The following ME3 variants were observed in gnomAD, a reference collection of about 807,000 sequenced individuals.
ME3 encodes NADP-dependent malic enzyme, mitochondrial.
A neutral mutation model predicts 68.9 loss-of-function variants in ME3; 48 were observed. The ratio of observed to expected loss-of-function variants is 0.70; its 90% CI spans 0.55 to 0.89. The LOEUF (loss-of-function observed/expected upper bound fraction) is 0.89, where lower values mean the gene tolerates loss of function less well. ME3 is among the 40% of genes least tolerant of loss of function. The pLI is 0.00. For missense variants in ME3, 675 were observed against 797.4 expected (o/e 0.85, Z 1.85); for synonymous variants, 320 against 318.8 (o/e 1.00, Z -0.04).
At chr11:86,484,527 G>A (rs770757149) in intron 7 of ME3, among the ~76,000 whole-genome samples, 19 of 151,646 alleles carry the variant, frequency 1.3e-4, no homozygotes, top group Non-Finnish European at 2.5e-4. Context: ...CCCGCCCCCC[G>A]CTCCCGGACT....
intron 6 of ME3, among the ~76,000 whole-genome samples, chr11:86,490,436 A>G (rs1290126235): frequency 6.6e-6 from 1 of 152,170 alleles, no homozygotes; most frequent in East Asian, 1.9e-4. Flanking sequence ...ACCCTTCCAC[A>G]TGCTACCTTC....
chr11:86,541,293 G>C (rs1445235404), intron 4 of ME3, among the ~76,000 whole-genome samples: 1 of 152,016 alleles, frequency 6.6e-6, no homozygotes, highest in South Asian at 2.1e-4. Context: ...ACACCAGTGA[G>C]AGAACCGTTC....
intron 7 of ME3, among the ~76,000 whole-genome samples, chr11:86,480,845 G>A (rs1951363514): frequency 6.6e-6 from 1 of 152,164 alleles, no homozygotes; most frequent in South Asian, 2.1e-4. Context: ...GTATTGCAAG[G>A]TAGACCTCCA....
chr11:86,528,243 T>G (rs1954920682), intron 4 of ME3, among the ~76,000 whole-genome samples: 2 of 151,822 alleles, frequency 1.3e-5, no homozygotes, highest in Admixed American at 1.3e-4. Flanking sequence ...CCAACAAAAA[T>G]CAAAAGAGAC....
intron 2 of ME3, among the ~76,000 whole-genome samples, chr11:86,654,829 A>G (rs1252873939): frequency 1.3e-5 from 2 of 152,296 alleles, no homozygotes; most frequent in South Asian, 2.1e-4. Flanking sequence ...AGATGACATG[A>G]TTGTATATCT....
intron 8 of ME3, among the ~76,000 whole-genome samples, chr11:86,456,252 A>G (rs2138667126): frequency 6.6e-6 from 1 of 152,230 alleles, no homozygotes; most frequent in East Asian, 1.9e-4. Flanking sequence ...GCCTCCCTGA[A>G]AGGAGGGGTT....
intron 2 of ME3, among the ~76,000 whole-genome samples, chr11:86,612,627 T>A (rs1315958904): frequency 6.6e-6 from 1 of 152,196 alleles, no homozygotes; most frequent in African/African-American, 2.4e-5. Context: ...AGATGGTATC[T>A]CATTGTGGTT....
intron 4 of ME3, among the ~76,000 whole-genome samples, chr11:86,526,353 G>C (rs1356688311): frequency 3.3e-5 from 5 of 152,196 alleles, no homozygotes; most frequent in Non-Finnish European, 1.5e-5. Context: ...GCTTGAGTAG[G>C]TAAACAAAGC....
intron 2 of ME3, among the ~76,000 whole-genome samples, chr11:86,595,026 T>C (rs1959198061): frequency 6.9e-6 from 1 of 145,312 alleles, no homozygotes; most frequent in African/African-American, 2.5e-5. Flanking sequence ...GGCTCTTTCA[T>C]GAAAGCTCCT....
intron 6 of ME3, among the ~76,000 whole-genome samples, chr11:86,489,702 ACT>A (rs959788729): frequency 1.3e-5 from 2 of 149,764 alleles, no homozygotes; most frequent in African/African-American, 4.9e-5. Context: ...AGCTGGGGAG[ACT>A]CTCCCTGGGC....
chr11:86,589,281 A>G (rs1428920348), intron 2 of ME3, among the ~76,000 whole-genome samples: 3 of 151,734 alleles, frequency 2.0e-5, no homozygotes, highest in South Asian at 2.1e-4. Context: ...GGCAGGTACT[A>G]TGTTTCATTT....
intron 2 of ME3, among the ~76,000 whole-genome samples, chr11:86,578,539 G>A (rs1958252200): frequency 6.6e-6 from 1 of 152,140 alleles, no homozygotes; most frequent in South Asian, 2.1e-4. Context: ...CATCTGACAG[G>A]GCAAGTGTCC....
At chr11:86,523,052 A>G (rs1954443953) in intron 4 of ME3, among the ~76,000 whole-genome samples, 1 of 152,128 alleles carries the variant, frequency 6.6e-6, no homozygotes, top group Admixed American at 6.5e-5. Context: ...CTCTTTGCCA[A>G]ACTCTATGGA....
At chr11:86,500,009 A>G (rs1319207800) in intron 5 of ME3, among the ~76,000 whole-genome samples, 1 of 152,194 alleles carries the variant, frequency 6.6e-6, no homozygotes, top group African/African-American at 2.4e-5. Flanking sequence ...GGCTCCTTCT[A>G]CCACCCCAAC....
chr11:86,584,731 A>AT (rs1958634081), intron 2 of ME3, among the ~76,000 whole-genome samples: 1 of 152,224 alleles, frequency 6.6e-6, no homozygotes, highest in East Asian at 1.9e-4. Context: ...TACATGAGGT[A>AT]TCTAAAATAA....
intron 2 of ME3, among the ~76,000 whole-genome samples, chr11:86,581,753 C>T (rs1958453223): frequency 6.6e-6 from 1 of 152,168 alleles, no homozygotes; most frequent in Admixed American, 6.5e-5. Context: ...GTACCACCAG[C>T]TACCCAGTAA....
In ME3 at chr11:86,654,015, C is replaced by T. The variant is rs190436364; in HGVS notation, c.183+17747G>A. On this transcript the variant is annotated intron_variant, in intron 2 of 14. Transcript: ENST00000543262. ...ATCTAGAAGAAATGGATAAATTCCTCGACACATACACCCTCCCAAGACTAA... is the reference window on the plus strand; with the variant it reads ...ATCTAGAAGAAATGGATAAATTCCTTGACACATACACCCTCCCAAGACTAA... Among the ~76,000 whole-genome samples, 408 of 152,134 alleles carry T rather than the reference C, an allele frequency of 2.7e-3. 8 individuals carry two copies. The East Asian group carries it at 0.043, about 16-fold the overall frequency.
intron 2 of ME3, among the ~76,000 whole-genome samples, chr11:86,618,074 A>G (rs1005159603): frequency 3.9e-5 from 6 of 152,034 alleles, no homozygotes; most frequent in African/African-American, 1.4e-4. Flanking sequence ...CAAGTTGGGC[A>G]GATTGCCTGA....
At chr11:86,606,106 G>A (rs1473193431) in intron 2 of ME3, among the ~76,000 whole-genome samples, 1 of 152,152 alleles carries the variant, frequency 6.6e-6, no homozygotes, top group Non-Finnish European at 1.5e-5. Context: ...AGCTACCACA[G>A]CTTACTTGAG....
Sources: allele counts gnomAD v4.1 joint callset (sites outside exome capture counted in the v4.1 genomes callset), GRCh38; gene constraint gnomAD v4.1.1; transcripts MANE v1.5; gene names NCBI Gene and HGNC (gene_info 2026-07-23, HGNC 2026-07-21).